NUCB1: variants seen among roughly 807,000 people sequenced by gnomAD.
NUCB1 encodes the protein nucleobindin-1.
Under a neutral mutation model 61.2 loss-of-function variants are expected in NUCB1, and 47 were observed. The observed-to-expected ratio is 0.77, with a 90% confidence interval of 0.61 to 0.98. The LOEUF (loss-of-function observed/expected upper bound fraction) is 0.98, where lower values mean the gene tolerates loss of function less well. Ranked by LOEUF, NUCB1 falls within the 50% of genes least tolerant of loss-of-function variation. NUCB1 has a pLI of 0.00. For missense variants in NUCB1, 583 were observed against 605.3 expected (o/e 0.96, Z 0.39); for synonymous variants, 234 against 243.1 (o/e 0.96, Z 0.35).
At chr19:48,900,722 G>C (rs1287860736) in intron 1 of NUCB1, 64 bp from the exon 2 acceptor site, 1 of 1,559,524 alleles carries the variant, frequency 6.4e-7, no homozygotes, top group East Asian at 2.3e-5. Flanking sequence ...CGAACTCCTG[G>C]TTCCAGGGGA....
intron 7 of NUCB1, among the ~76,000 whole-genome samples, 172 bp downstream of exon 7, chr19:48,913,736 G>C (rs145644504): frequency 2.0e-5 from 3 of 152,274 alleles, no homozygotes; most frequent in Non-Finnish European, 4.4e-5. Flanking sequence ...TACAAGGCTA[G>C]GATCTGCATG....
chr19:48,911,369 G>A (rs1159963499), intron 5 of NUCB1, 117 bp downstream of exon 5: 2 of 676,630 alleles, frequency 3.0e-6, no homozygotes, highest in Non-Finnish European at 5.3e-6. Flanking sequence ...TCTGAGGTTG[G>A]AGGCTGGTAG....
intron 10 of NUCB1, among the ~76,000 whole-genome samples, chr19:48,919,670 AT>A (rs1454411236): frequency 6.7e-6 from 1 of 149,582 alleles, no homozygotes. Context: ...TAGAGGCAGG[AT>A]TTCACCATGT....
chr19:48,919,574 T>G (rs1296272471), intron 10 of NUCB1, among the ~76,000 whole-genome samples: 1 of 151,332 alleles, frequency 6.6e-6, no homozygotes, highest in Non-Finnish European at 1.5e-5. Context: ...ACCTCCCAGG[T>G]TCAAGCAATT....
In NUCB1 at chr19:48,905,838, G is replaced by C; in HGVS notation, c.329G>C (p.Arg110Pro). 6.2e-7 allele frequency: 1 copy of C among 1,613,800 alleles called. No individual in the cohort carries two copies. The highest frequency in any genetic ancestry group is 8.5e-7 in the Non-Finnish European group (1 of 1,179,974). ...LDELKRQEVSRLRMLLKAKMD... is the reference protein window; with the variant it reads ...LDELKRQEVSPLRMLLKAKMD... The stretch of plus-strand genomic sequence containing the variant: ...GAGCTCAAGCGACAGGAGGTGTCAC[G>C]GCTGCGGATGCTGCTCAAGGCCAAG... The change falls in exon 4 of 13, where the codon CGG becomes CCG. Residue 110 changes from arginine to proline, a missense_variant. By Grantham distance (103) the Arg-to-Pro change is moderately radical. Transcript: ENST00000405315.
At chr19:48,910,304 T>A (rs182524305) in intron 4 of NUCB1, among the ~76,000 whole-genome samples, 1 of 151,410 alleles carries the variant, frequency 6.6e-6, no homozygotes, top group Non-Finnish European at 1.5e-5. Context: ...TCTCAATCTC[T>A]TGATCTTGTG....
rs535606389 is a variant in NUCB1 at position 48,912,937 on chromosome 19, G to A, written c.481-74G>A. The A allele has an allele frequency of 5.7e-6, 7 of 1,232,702 alleles. No homozygotes were observed. The African/African-American group carries it at 9.1e-5, about 16-fold the overall frequency. The allele number at this position is 1,232,702 out of a possible 1,614,324, so 76.4% of individuals were successfully genotyped here. On this transcript the variant is annotated intron_variant, in intron 5 of 12. Coordinates refer to ENST00000405315, the MANE Select transcript of NUCB1 (RefSeq NM_006184.6). Reference sequence around the variant, plus strand: ...CCCTCAGCCAGGTTCAGGGCCAAGGGCCTGCCATTTACAGGCTGGAATTGG... The same window carrying A: ...CCCTCAGCCAGGTTCAGGGCCAAGGACCTGCCATTTACAGGCTGGAATTGG...
At chr19:48,904,319 G>A in intron 2 of NUCB1, 28 bp from the exon 3 acceptor site, 2 of 1,460,676 alleles carry the variant, frequency 1.4e-6, no homozygotes, top group East Asian at 2.3e-5. Context: ...GGGAGCAGGG[G>A]CTGCTATGTC....
chr19:48,909,831 T>G (rs1347649902), intron 4 of NUCB1, among the ~76,000 whole-genome samples: 1 of 151,334 alleles, frequency 6.6e-6, no homozygotes, highest in Non-Finnish European at 1.5e-5. Context: ...CATGAGCCAC[T>G]GTGCCCAGTC....
intron 3 of NUCB1, 53 bp downstream of exon 3, chr19:48,904,507 G>T: frequency 8.7e-6 from 9 of 1,039,052 alleles, no homozygotes; most frequent in African/African-American, 1.6e-5. Flanking sequence ...GGAGGGCAGA[G>T]TTCAGGGGAG....
intron 7 of NUCB1, among the ~76,000 whole-genome samples, chr19:48,915,657 G>A (rs2037531251): frequency 6.6e-6 from 1 of 152,012 alleles, no homozygotes; most frequent in Non-Finnish European, 1.5e-5. Flanking sequence ...GTACCACTAT[G>A]CCTGGCTAAT....
At chr19:48,902,115 C>T (rs1004820978) in intron 2 of NUCB1, among the ~76,000 whole-genome samples, 10 of 152,036 alleles carry the variant, frequency 6.6e-5, no homozygotes, top group South Asian at 6.2e-4. Context: ...GGAAGGGAGG[C>T]GTGAGTTGAG....
At chr19:48,911,812 A>T (rs935852561) in intron 5 of NUCB1, among the ~76,000 whole-genome samples, 7 of 151,962 alleles carry the variant, frequency 4.6e-5, no homozygotes, top group African/African-American at 1.7e-4. Context: ...TTCCAGGTGG[A>T]CATGAATTTG....
rs764381321 is a variant in NUCB1 at position 48,913,547 on chromosome 19, CCTT to C, written c.745_747del (p.Phe249del). ...GACCCCAACAGGTTTAACCCCAAGA[CCTT>C]CTTCATACTGCATGGTAAGGTGGGG... On this transcript the variant is annotated inframe_deletion, in exon 7 of 13. Coordinates refer to ENST00000405315, the MANE Select transcript of NUCB1 (RefSeq NM_006184.6). 17 of 1,613,822 alleles carry C rather than the reference CCTT, an allele frequency of 1.1e-5. No individual in the cohort carries two copies. The highest frequency in any genetic ancestry group is 1.4e-5 in the Non-Finnish European group (17 of 1,179,834).
At chr19:48,911,479 C>T (rs564674868) in intron 5 of NUCB1, among the ~76,000 whole-genome samples, 11 of 150,210 alleles carry the variant, frequency 7.3e-5, no homozygotes, top group African/African-American at 2.7e-4. Flanking sequence ...AATCTCGGCT[C>T]ACTGCAACCT....
intron 4 of NUCB1, among the ~76,000 whole-genome samples, chr19:48,910,665 C>G (rs140485776): frequency 0.017 from 2,593 of 150,314 alleles, 74 homozygotes; most frequent in African/African-American, 0.061. Context: ...AGAGTGAAAC[C>G]CTGTCTCAAA....
intron 4 of NUCB1, among the ~76,000 whole-genome samples, chr19:48,906,839 T>C (rs570117391): frequency 6.6e-6 from 1 of 152,302 alleles, no homozygotes; most frequent in East Asian, 1.9e-4. Flanking sequence ...ATTTGCTTTG[T>C]CACTCACGTT....
intron 7 of NUCB1, among the ~76,000 whole-genome samples, chr19:48,915,157 A>T (rs1382058478): frequency 6.6e-6 from 1 of 152,002 alleles, no homozygotes; most frequent in African/African-American, 2.4e-5. Context: ...GATAAAATAG[A>T]AGAACACAAA....
chr19:48,908,681 G>GTGTGTGTT (rs2037438005), intron 4 of NUCB1, among the ~76,000 whole-genome samples: 1 of 146,798 alleles, frequency 6.8e-6, no homozygotes, highest in African/African-American at 2.5e-5. Context: ...GTGTGTGTGT[G>GTGTGTGTT]TGTGTGTGTG....
Sources: gnomAD v4.1 joint callset for allele counts (sites outside exome capture counted in the v4.1 genomes callset) on GRCh38, gnomAD v4.1.1 for gene constraint, MANE v1.5 for transcripts, NCBI Gene and HGNC (gene_info 2026-07-23, HGNC 2026-07-21) for gene names.